SNTG1: variants seen among roughly 807,000 people sequenced by gnomAD.
SNTG1 encodes gamma-1-syntrophin.
A neutral mutation model predicts 74.7 loss-of-function variants in SNTG1; 39 were observed. The observed-to-expected ratio is 0.52, with a 90% confidence interval of 0.40 to 0.68. The LOEUF (loss-of-function observed/expected upper bound fraction) is 0.68, where lower values mean the gene tolerates loss of function less well. SNTG1 is among the 30% of genes least tolerant of loss of function. The pLI, the probability that SNTG1 is intolerant of heterozygous loss-of-function variation, is 0.00. For missense variants in SNTG1, 685 were observed against 609.5 expected, an observed-to-expected ratio of 1.12 and a Z score of -1.30; for synonymous variants, 254 against 217.1, an observed-to-expected ratio of 1.17 and a Z score of -1.49.
intron 2 of SNTG1, among the ~76,000 whole-genome samples, chr8:50,339,739 C>T (rs1563917930): frequency 6.6e-6 from 1 of 151,670 alleles, no homozygotes; most frequent in Non-Finnish European, 1.5e-5. Flanking sequence ...AATAAAGAAA[C>T]AAATAAAAAG....
chr8:50,031,595 A>G (rs1015551624), intron 1 of SNTG1, among the ~76,000 whole-genome samples: 3 of 152,164 alleles, frequency 2.0e-5, no homozygotes, highest in African/African-American at 7.2e-5. Flanking sequence ...ATTATTTGAT[A>G]TTCCTTCTTT....
chr8:50,591,166 T>G (rs2094689481), intron 13 of SNTG1, among the ~76,000 whole-genome samples: 1 of 152,134 alleles, frequency 6.6e-6, no homozygotes, highest in Non-Finnish European at 1.5e-5. Context: ...ATAATTTATT[T>G]GAATACATTG....
At chr8:50,781,082 T>A (rs2095658034) in intron 18 of SNTG1, among the ~76,000 whole-genome samples, 1 of 152,220 alleles carries the variant, frequency 6.6e-6, no homozygotes, top group South Asian at 2.1e-4. Context: ...TTTGTTATCA[T>A]TTCTGATCTT....
chr8:49,968,076 GT>G (rs113291732), intron 1 of SNTG1, among the ~76,000 whole-genome samples: 17 of 150,082 alleles, frequency 1.1e-4, no homozygotes, highest in Non-Finnish European at 2.2e-4. Flanking sequence ...AACAGTCTTT[GT>G]TTTTTTTTCT....
chr8:50,783,139 T>C (rs934750892), intron 18 of SNTG1, among the ~76,000 whole-genome samples: 1 of 151,924 alleles, frequency 6.6e-6, no homozygotes, highest in Non-Finnish European at 1.5e-5. Context: ...TGCTCGGGGG[T>C]CAGGGGTCAG....
chr8:50,732,129 G>T (rs1347373315), intron 17 of SNTG1, among the ~76,000 whole-genome samples: 2 of 151,810 alleles, frequency 1.3e-5, no homozygotes, highest in East Asian at 3.9e-4. Context: ...TATAGCCAGA[G>T]GAACTTTATT....
chr8:49,938,603 TTTTCTTTCTTTCTTTCTTTC>T (rs138959195), intron 1 of SNTG1, among the ~76,000 whole-genome samples: 2 of 74,754 alleles, frequency 2.7e-5, no homozygotes, highest in African/African-American at 9.1e-5. Flanking sequence ...TTTTCTTTTC[TTTTCTTTCTTTCTTTCTTTC>T]TTTCTTTCTT....
intron 2 of SNTG1, among the ~76,000 whole-genome samples, chr8:50,269,140 T>G (rs1274285251): frequency 6.6e-6 from 1 of 152,186 alleles, no homozygotes; most frequent in Non-Finnish European, 1.5e-5. Flanking sequence ...CTATTCAACT[T>G]AAAGAAAATA....
At chr8:50,325,851 T>C (rs1219339602) in intron 2 of SNTG1, among the ~76,000 whole-genome samples, 2 of 152,104 alleles carry the variant, frequency 1.3e-5, no homozygotes, top group Non-Finnish European at 2.9e-5. Flanking sequence ...TCTACCATTA[T>C]GTGTGATGTC....
At chr8:50,484,727 TG>T (rs1316141444) in intron 8 of SNTG1, among the ~76,000 whole-genome samples, 2 of 150,952 alleles carry the variant, frequency 1.3e-5, no homozygotes, top group Non-Finnish European at 2.9e-5. Context: ...CACGTGATGG[TG>T]CATGCCTGCA....
intron 17 of SNTG1, among the ~76,000 whole-genome samples, chr8:50,723,788 G>GA (rs141089689): frequency 1.4e-3 from 200 of 147,484 alleles, no homozygotes; most frequent in South Asian, 3.6e-3. Context: ...GAGGCCTATG[G>GA]AAAAAAAAAA....
At chr8:50,550,693 G>GTGTGTATATATATATATA (rs1554571332) in intron 11 of SNTG1, among the ~76,000 whole-genome samples, 1 of 149,098 alleles carries the variant, frequency 6.7e-6, no homozygotes, top group African/African-American at 2.5e-5. Flanking sequence ...TAGTGTGTGT[G>GTGTGTATATATATATATA]TATATATATA....
chr8:50,587,187 C>CAT (rs1367587739), intron 12 of SNTG1, among the ~76,000 whole-genome samples: 19 of 151,416 alleles, frequency 1.3e-4, no homozygotes, highest in African/African-American at 4.1e-4. Context: ...TATACATACA[C>CAT]ATATATGCAT....
intron 1 of SNTG1, among the ~76,000 whole-genome samples, chr8:50,115,062 A>C (rs949749638): frequency 6.6e-6 from 1 of 152,168 alleles, no homozygotes; most frequent in South Asian, 2.1e-4. Context: ...GCCATGAAAA[A>C]TGAAAACATG....
chr8:50,580,191 A>G (rs1040321794), intron 12 of SNTG1, among the ~76,000 whole-genome samples: 8 of 152,240 alleles, frequency 5.3e-5, no homozygotes, highest in African/African-American at 1.9e-4. Context: ...TTGGACTTGC[A>G]TGGGGCCTTT....
intron 2 of SNTG1, among the ~76,000 whole-genome samples, chr8:50,203,681 GT>G (rs1368298196): frequency 6.6e-6 from 1 of 151,868 alleles, no homozygotes; most frequent in Non-Finnish European, 1.5e-5. Flanking sequence ...TTGAAGCTTA[GT>G]TTCGTATTAA....
chr8:50,544,207 A>G (rs147470797), intron 11 of SNTG1, among the ~76,000 whole-genome samples: 2 of 152,174 alleles, frequency 1.3e-5, no homozygotes, highest in African/African-American at 4.8e-5. Flanking sequence ...CCTAAGCATT[A>G]TCATAGAGCC....
At chr8:50,679,539 G>T (rs931665304) in intron 15 of SNTG1, among the ~76,000 whole-genome samples, 2 of 152,084 alleles carry the variant, frequency 1.3e-5, no homozygotes, top group Non-Finnish European at 2.9e-5. Flanking sequence ...ACTCTAAATT[G>T]CTTGTGGAAT....
At chr8:50,490,330 G>A (rs538647169) in intron 8 of SNTG1, among the ~76,000 whole-genome samples, 78 of 152,238 alleles carry the variant, frequency 5.1e-4, no homozygotes, top group African/African-American at 1.6e-3. Context: ...AGCTTGATGG[G>A]AATAGCATTG....
Sources: allele counts gnomAD v4.1 joint callset (sites outside exome capture counted in the v4.1 genomes callset), GRCh38; gene constraint gnomAD v4.1.1; transcripts MANE v1.5; gene names NCBI Gene and HGNC (gene_info 2026-07-23, HGNC 2026-07-21).